RASL12: variants seen among roughly 807,000 people sequenced by gnomAD.
The protein encoded by RASL12 is ras-like protein family member 12.
A neutral mutation model predicts 22.9 loss-of-function variants in RASL12; 16 were observed. That is an observed-to-expected ratio of 0.70 (90% CI 0.47 to 1.06). RASL12 has a LOEUF of 1.06. Among genes scored for constraint, RASL12 ranks in the 50% least tolerant of loss-of-function variants. The pLI is 0.00. For synonymous variants in RASL12, 159 were observed against 152.2 expected, an observed-to-expected ratio of 1.04 and a Z score of -0.33; for missense variants, 306 against 353.1, an observed-to-expected ratio of 0.87 and a Z score of 1.07.
chr15:65,076,658 T>C (rs987170729), exon 1 of RASL12: 1 of 753,206 alleles, frequency 1.3e-6, no homozygotes, highest in African/African-American at 1.7e-5. Context: ...CCTGCAGCCA[T>C]ACAGCCTGCG....
chr15:65,071,935 C>T (rs1298759583), upstream of RASL12, among the ~76,000 whole-genome samples: 4 of 152,150 alleles, frequency 2.6e-5, no homozygotes, highest in Non-Finnish European at 4.4e-5. Context: ...AGCCTCACAT[C>T]CCCATTCATA....
At chr15:65,058,397 G>T in intron 4 of RASL12, 30 bp downstream of exon 4, 1 of 1,415,258 alleles carries the variant, frequency 7.1e-7, no homozygotes, top group East Asian at 2.6e-5. Context: ...AGCGAGCTCT[G>T]GAGATAACGG....
intron 2 of RASL12, among the ~76,000 whole-genome samples, chr15:65,062,981 C>T (rs2086829828): frequency 6.6e-6 from 1 of 152,138 alleles, no homozygotes; most frequent in Non-Finnish European, 1.5e-5. Context: ...AGACCACAGA[C>T]CAAGGGGACT....
intron 1 of RASL12, among the ~76,000 whole-genome samples, chr15:65,073,009 T>C (rs1201915565): frequency 1.3e-5 from 2 of 152,036 alleles, no homozygotes; most frequent in Non-Finnish European, 2.9e-5. Flanking sequence ...TGGGTTACTC[T>C]GTCACTCTGG....
downstream of RASL12, chr15:65,050,174 C>T (rs2086631048): frequency 8.2e-7 from 1 of 1,226,984 alleles, no homozygotes; most frequent in African/African-American, 1.5e-5. Flanking sequence ...GCTGAAGGTC[C>T]TGACACTGTC....
In RASL12 at chr15:65,067,909, G is replaced by C. The variant is rs968684639; in HGVS notation, c.-74C>G. The C allele has an allele frequency of 3.0e-5, 41 of 1,352,472 alleles. No individual in the cohort carries two copies. The highest frequency in any genetic ancestry group is 4.0e-5 in the Admixed American group (1 of 24,896). 83.8% of individuals were successfully genotyped at this position (1,352,472 alleles called of 1,614,324 possible). On this transcript the variant is annotated 5_prime_UTR_variant, in exon 1 of 5. Transcript: ENST00000220062. ...CAGTGCGCCCGCCCGTCGGGGCCCA[G>C]GGGAGCGGGATGCAGGCTTCCCTGG...
intron 1 of RASL12, among the ~76,000 whole-genome samples, chr15:65,067,160 G>A (rs965470130): frequency 6.6e-6 from 1 of 152,140 alleles, no homozygotes; most frequent in Non-Finnish European, 1.5e-5. Flanking sequence ...AATCTCAACA[G>A]CTAGTGACTT....
intron 2 of RASL12, among the ~76,000 whole-genome samples, chr15:65,061,102 C>T (rs2086797989): frequency 6.6e-6 from 1 of 152,228 alleles, no homozygotes; most frequent in African/African-American, 2.4e-5. Flanking sequence ...CCTGCCCAGC[C>T]CAGTGAAAGG....
chr15:65,061,187 A>AC (rs1555406389), intron 2 of RASL12, among the ~76,000 whole-genome samples: 1 of 152,006 alleles, frequency 6.6e-6, no homozygotes, highest in East Asian at 1.9e-4. Context: ...TTGTAGAGAG[A>AC]TGGCAAGGTG....
At chr15:65,076,622 A>T (rs762403391) in exon 1 of RASL12, 2 of 702,744 alleles carry the variant, frequency 2.8e-6, no homozygotes, top group African/African-American at 3.5e-5. Context: ...ATGAGTGATC[A>T]CACAGGTCTC....
intron 1 of RASL12, among the ~76,000 whole-genome samples, chr15:65,074,026 G>A (rs1338536619): frequency 6.6e-6 from 1 of 152,140 alleles, no homozygotes; most frequent in Non-Finnish European, 1.5e-5. Flanking sequence ...CCAAGTCAGG[G>A]GCTTTATGGG....
chr15:65,052,931 GC>G (rs780157779), downstream of RASL12: 8 of 1,568,258 alleles, frequency 5.1e-6, no homozygotes, highest in South Asian at 4.6e-5. Flanking sequence ...CAACCACTCA[GC>G]CCCCCTCATT....
At chr15:65,060,236 C>T (rs2086785624) in intron 2 of RASL12, among the ~76,000 whole-genome samples, 1 of 152,160 alleles carries the variant, frequency 6.6e-6, no homozygotes, top group Non-Finnish European at 1.5e-5. Flanking sequence ...ACCATACATG[C>T]CTGGTGAGGG....
chr15:65,067,688 G>T, intron 1 of RASL12, 45 bp downstream of exon 1: 19 of 1,509,736 alleles, frequency 1.3e-5, no homozygotes, highest in Non-Finnish European at 1.6e-5. Flanking sequence ...CCCCACCCAC[G>T]CCCAGCTCCG....
downstream of RASL12, chr15:65,051,426 G>C: frequency 4.0e-6 from 5 of 1,246,640 alleles, no homozygotes; most frequent in Non-Finnish European, 5.9e-6. Flanking sequence ...GATGCTGTAA[G>C]CTGGGTCTGA....
At chr15:65,055,317 G>A (rs2086717872) in intron 4 of RASL12, 43 bp from the exon 5 acceptor site, 2 of 1,480,798 alleles carry the variant, frequency 1.4e-6, no homozygotes, top group Non-Finnish European at 1.8e-6. Context: ...GGAGCAGGCT[G>A]TGCCAAGTCA....
chr15:65,067,839 G>T lies in RASL12; in HGVS notation c.-4C>A. Reference sequence around the variant, plus strand: ...GTTTTCCAAACACCGAGGACATGGCGACGCCCTGGACGGCCACGCAGGTCT... The same window carrying T: ...GTTTTCCAAACACCGAGGACATGGCTACGCCCTGGACGGCCACGCAGGTCT... On this transcript the variant is annotated 5_prime_UTR_variant, in exon 1 of 5. Coordinates refer to ENST00000220062, the MANE Select transcript of RASL12 (RefSeq NM_016563.4). 6.6e-7 allele frequency: 1 copy of T among 1,519,306 alleles called. No homozygotes were observed. Among genetic ancestry groups the T allele is most frequent in the Non-Finnish European group, 8.8e-7 (1 of 1,138,874 alleles). 94.1% of individuals were successfully genotyped at this position (1,519,306 alleles called of 1,614,324 possible). A position where few individuals can be genotyped will look rare whatever the true frequency, so the allele number is the denominator to read the frequency against.
the RASL12 span, among the ~76,000 whole-genome samples, chr15:65,048,197 A>G: frequency 0.051 from 5 of 98 alleles, no homozygotes; most frequent in Admixed American, 0.17. Context: ...AAAAAAAAGA[A>G]AAAAAAAAAA....
In RASL12 at chr15:65,054,982, G is replaced by A; in HGVS notation, c.718C>T (p.Leu240=). Residue 240 remains leucine, a synonymous_variant, in exon 5 of 5, where the codon CTG becomes TTG. Coordinates refer to ENST00000220062, the MANE Select transcript of RASL12 (RefSeq NM_016563.4). ...KEMPTVAQAK[L]VTVKSSRAQS... is the part of the protein sequence containing the mutation. The stretch of plus-strand genomic sequence containing the variant: ...GCCCGGGATGACTTCACGGTGACCA[G>A]CTTGGCCTGGGCCACAGTGGGCATC... The A allele has an allele frequency of 3.1e-6, 5 of 1,614,198 alleles. No individual in the cohort carries two copies. Among genetic ancestry groups the A allele is most frequent in the Non-Finnish European group, 4.2e-6 (5 of 1,180,016 alleles).
Sources: allele counts gnomAD v4.1 joint callset (sites outside exome capture counted in the v4.1 genomes callset), GRCh38; gene constraint gnomAD v4.1.1; transcripts MANE v1.5; gene names NCBI Gene and HGNC (gene_info 2026-07-23, HGNC 2026-07-21).